Variants in RUNX1 observed in about 807,000 individuals in gnomAD.
RUNX1 encodes RUNX family transcription factor 1, also known as runt-related transcription factor 1.
In RUNX1, 19 loss-of-function variants were observed where a neutral mutation model predicts 42.8. That is an observed-to-expected ratio of 0.44 (90% CI 0.31 to 0.65). The LOEUF is 0.65. RUNX1 is among the 30% of genes least tolerant of loss of function. The pLI is 0.07. For synonymous variants in RUNX1, 271 were observed against 289.4 expected (o/e 0.94, Z 0.64); for missense variants, 528 against 672.0 (o/e 0.79, Z 2.37).
At chr21:34,896,769 G>A (rs1258658779) in intron 2 of RUNX1, among the ~76,000 whole-genome samples, 5 of 152,158 alleles carry the variant, frequency 3.3e-5, no homozygotes, top group Admixed American at 6.6e-5. Flanking sequence ...ATGAAAACAA[G>A]GACTGAAAAT....
intron 3 of RUNX1, among the ~76,000 whole-genome samples, chr21:34,889,242 G>C (rs914798325): frequency 1.3e-5 from 2 of 152,106 alleles, no homozygotes; most frequent in Non-Finnish European, 2.9e-5. Context: ...TTGGCCGCGG[G>C]GCCCGGGGGA....
chr21:34,852,839 C>A (rs2057441712), intron 6 of RUNX1, among the ~76,000 whole-genome samples: 1 of 152,210 alleles, frequency 6.6e-6, no homozygotes, highest in Non-Finnish European at 1.5e-5. Flanking sequence ...TCATCATTCA[C>A]TACCTGGAAA....
chr21:34,792,063 C>A lies in RUNX1; in HGVS notation c.*72G>T. ...GCCCGGGATCCCGGCGGGCTTGTCG[C>A]GAACAGGAGGCCCGCGCGCCCGGAG... On this transcript the variant is annotated 3_prime_UTR_variant, in exon 9 of 9. Coordinates refer to ENST00000675419, the MANE Select transcript of RUNX1 (RefSeq NM_001754.5). The surrounding 1 kb of genome is among the most constrained non-coding windows in gnomAD (Gnocchi z 6.9). 9.8e-7 allele frequency: 1 copy of A among 1,022,654 alleles called. No individual in the cohort carries two copies. Among genetic ancestry groups the A allele is most frequent in the Non-Finnish European group, 1.3e-6 (1 of 766,878 alleles). 63.3% of individuals were successfully genotyped at this position (1,022,654 alleles called of 1,614,324 possible). A position where few individuals can be genotyped will look rare whatever the true frequency, so the allele number is the denominator to read the frequency against.
chr21:35,006,184 T>C (rs186813494), intron 2 of RUNX1, among the ~76,000 whole-genome samples: 12 of 152,294 alleles, frequency 7.9e-5, no homozygotes, highest in Admixed American at 7.8e-4. Context: ...GGAGTTGTTG[T>C]ATGCATTGTC....
At chr21:34,846,119 C>T (rs535792565) in intron 6 of RUNX1, among the ~76,000 whole-genome samples, 2 of 151,348 alleles carry the variant, frequency 1.3e-5, no homozygotes, top group African/African-American at 4.9e-5. Flanking sequence ...ACACCAAGGT[C>T]TCTGACCAGC....
rs1479751627 is a variant in RUNX1, at chr21:34,849,412, ATATAT to A, written c.613+10057_613+10061del. ...TATATAATATATTATACTATATATA[ATATAT>A]TATATAGTATATATATTATATATAT... On this transcript the variant is annotated intron_variant, in intron 6 of 8. Transcript: ENST00000675419. Among the ~76,000 whole-genome samples the A allele has an allele frequency of 4.5e-4, 27 of 59,528 alleles. 1 individual carries two copies. In the East Asian group the frequency reaches 4.6e-3, roughly 10 times the overall value. The allele number at this position is 59,528 out of a possible 152,430, so 39.1% of individuals were successfully genotyped here.
At chr21:34,927,257 G>A (rs1237989075) in intron 2 of RUNX1, among the ~76,000 whole-genome samples, 2 of 152,204 alleles carry the variant, frequency 1.3e-5, no homozygotes, top group Admixed American at 1.3e-4. Context: ...TTAGTAACAG[G>A]CTGGGCTTCA....
chr21:34,887,783 G>A, intron 3 of RUNX1: 3 of 1,062,626 alleles, frequency 2.8e-6, no homozygotes, highest in Non-Finnish European at 3.4e-6. Context: ...ATCCATTAAT[G>A]TACGCTGCAG....
intron 2 of RUNX1, among the ~76,000 whole-genome samples, chr21:34,963,081 A>G (rs1037171462): frequency 1.4e-4 from 21 of 152,214 alleles, no homozygotes; most frequent in African/African-American, 4.8e-4. Context: ...CACAGGTTAG[A>G]CTGCAGTCCT....
At chr21:34,895,062 G>C (rs948722650) in intron 2 of RUNX1, among the ~76,000 whole-genome samples, 1 of 151,864 alleles carries the variant, frequency 6.6e-6, no homozygotes, top group Non-Finnish European at 1.5e-5. Flanking sequence ...TATCCCCCCC[G>C]TCTCAGGGTC....
intron 2 of RUNX1, among the ~76,000 whole-genome samples, chr21:34,957,964 G>C (rs751293163): frequency 2.5e-4 from 38 of 152,250 alleles, no homozygotes; most frequent in Non-Finnish European, 5.0e-4. Context: ...TCTTGCCAGT[G>C]GTTTGTTTGT....
chr21:34,965,414 T>C (rs374360904), intron 2 of RUNX1, among the ~76,000 whole-genome samples: 3 of 152,214 alleles, frequency 2.0e-5, no homozygotes, highest in East Asian at 3.9e-4. Context: ...CTTTTTCCAC[T>C]GCGTAGGGCC....
At chr21:34,849,357 TA>T (rs549664529) in intron 6 of RUNX1, among the ~76,000 whole-genome samples, 2 of 47,588 alleles carry the variant, frequency 4.2e-5, no homozygotes, top group Non-Finnish European at 7.7e-5. Flanking sequence ...ATAGTATATA[TA>T]ATATATTATA....
chr21:34,862,386 A>G (rs147121234), intron 5 of RUNX1, among the ~76,000 whole-genome samples: 9 of 152,190 alleles, frequency 5.9e-5, no homozygotes, highest in Non-Finnish European at 1.3e-4. Context: ...CAGTGACTTC[A>G]TAAAAATACT....
At chr21:34,937,028 C>T (rs2058490854) in intron 2 of RUNX1, among the ~76,000 whole-genome samples, 1 of 152,252 alleles carries the variant, frequency 6.6e-6, no homozygotes, top group Non-Finnish European at 1.5e-5. Flanking sequence ...TATTGTATGA[C>T]TGACCTAGGC....
chr21:34,821,682 G>A (rs1397386142), intron 7 of RUNX1: 3 of 1,575,696 alleles, frequency 1.9e-6, no homozygotes, highest in South Asian at 2.3e-5. Context: ...CATCTCCAGG[G>A]TGCTGTGTCT....
At chr21:34,971,552 C>T (rs1438141345) in intron 2 of RUNX1, among the ~76,000 whole-genome samples, 1 of 150,902 alleles carries the variant, frequency 6.6e-6, no homozygotes, top group Non-Finnish European at 1.5e-5. Flanking sequence ...CATCCAACCA[C>T]CATCTATCTT....
intron 8 of RUNX1, among the ~76,000 whole-genome samples, chr21:34,795,347 GCT>G (rs953622952): frequency 5.7e-4 from 87 of 152,118 alleles, no homozygotes; most frequent in African/African-American, 2.0e-3. Flanking sequence ...TCTCTCGCTC[GCT>G]CTCTCGTCTC....
intron 2 of RUNX1, among the ~76,000 whole-genome samples, chr21:34,923,890 G>C (rs146384333): frequency 8.8e-6 from 1 of 113,116 alleles, no homozygotes; most frequent in Non-Finnish European, 1.8e-5. Flanking sequence ...CATGTCTCTC[G>C]CGTTAAAATC....
Sources: gnomAD v4.1 joint callset for allele counts (sites outside exome capture counted in the v4.1 genomes callset) on GRCh38, gnomAD v4.1.1 for gene constraint, Gnocchi (gnomAD v3.1) non-coding constraint, MANE v1.5 for transcripts, NCBI Gene and HGNC (gene_info 2026-07-23, HGNC 2026-07-21) for gene names.